CSNK1G2: variants seen among roughly 807,000 people sequenced by gnomAD.
CSNK1G2 encodes the protein casein kinase I isoform gamma-2.
In CSNK1G2, 11 loss-of-function variants were observed where a neutral mutation model predicts 48.0. That is an observed-to-expected ratio of 0.23 (90% CI 0.14 to 0.38). The LOEUF (loss-of-function observed/expected upper bound fraction) is 0.38, where lower values mean the gene tolerates loss of function less well. Among genes scored for constraint, CSNK1G2 ranks in the 10% least tolerant of loss-of-function variants. CSNK1G2 has a pLI of 1.00. For missense variants in CSNK1G2, 446 were observed against 595.5 expected (o/e 0.75, Z 2.61); for synonymous variants, 337 against 254.1 (o/e 1.33, Z -3.10).
intron 1 of CSNK1G2, among the ~76,000 whole-genome samples, chr19:1,941,630 C>T (rs1293436837): frequency 6.7e-6 from 1 of 149,776 alleles, no homozygotes; most frequent in African/African-American, 2.5e-5. Context: ...CCGCAACACC[C>T]CGTTGACCCT....
At chr19:1,944,251 G>A (rs1406377115) in intron 1 of CSNK1G2, among the ~76,000 whole-genome samples, 9 of 152,280 alleles carry the variant, frequency 5.9e-5, no homozygotes, top group Non-Finnish European at 1.2e-4. Flanking sequence ...AGCCACACGA[G>A]AGAACCTGTT....
intron 1 of CSNK1G2, among the ~76,000 whole-genome samples, chr19:1,945,397 G>C (rs1432057315): frequency 6.6e-6 from 1 of 152,214 alleles, no homozygotes; most frequent in Non-Finnish European, 1.5e-5. Context: ...CCCTGCACAG[G>C]GAATCGGGGC....
At chr19:1,975,194 G>C (rs1332659411) in intron 2 of CSNK1G2, 7 of 985,380 alleles carry the variant, frequency 7.1e-6, no homozygotes, top group Non-Finnish European at 8.4e-6. Context: ...GCTGCCAAGA[G>C]CATGAGGCCA....
intron 1 of CSNK1G2, chr19:1,952,968 AG>A: frequency 2.3e-6 from 1 of 434,218 alleles, no homozygotes. Flanking sequence ...CCACACGATG[AG>A]GGGAAAAGGC....
intron 1 of CSNK1G2, among the ~76,000 whole-genome samples, chr19:1,952,213 G>A (rs144966829): frequency 0.013 from 2,006 of 152,360 alleles, 13 homozygotes; most frequent in Middle Eastern, 0.027. Flanking sequence ...TGCAGGGCTG[G>A]ACGAGGGCCC....
intron 1 of CSNK1G2, chr19:1,952,826 G>T: frequency 3.0e-6 from 1 of 334,842 alleles, no homozygotes; most frequent in Non-Finnish European, 6.0e-6. Context: ...GCTCCCCGGG[G>T]AGTTAGGCCG....
rs552417138 is a variant in CSNK1G2 at position 1,952,637 on chromosome 19, C to T, written c.-266+11219C>T. ...ATATTTGACGATGATTAAAAAAACC[C>T]GATCCTTGAAGGCCCTTGATAGATG... On this transcript the variant is annotated intron_variant, in intron 1 of 11. Transcript: ENST00000255641. 95 of 162,908 alleles carry T rather than the reference C, an allele frequency of 5.8e-4. 3 individuals are homozygous for T. The South Asian group carries it at 0.014, about 24-fold the overall frequency. 10.1% of individuals were successfully genotyped at this position (162,908 alleles called of 1,614,324 possible).
In CSNK1G2 at chr19:1,979,264, G is replaced by C; in HGVS notation, c.768+16G>C. 3 of 1,563,854 alleles carry C rather than the reference G, an allele frequency of 1.9e-6. No homozygotes were observed. The highest frequency in any genetic ancestry group is 1.4e-5 in the African/African-American group (1 of 73,916). On this transcript the variant is annotated intron_variant, in intron 7 of 11. Transcript: ENST00000255641. ...GGGGCTCAAGGTGGGCGAGGAGGCC[G>C]GGCAGGCGGGCGGGGACGCAGGGCG...
rs770330378 is a variant in CSNK1G2, at chr19:1,979,113, C to T, written c.682+20C>T. 50 of 1,577,940 alleles carry T rather than the reference C, an allele frequency of 3.2e-5. No individual in the cohort carries two copies. The highest frequency in any genetic ancestry group is 4.2e-5 in the Non-Finnish European group (49 of 1,166,550). ...GCAAGGGTGAGCTGCGCGCGCGCGG[C>T]GGGGGGCGGGCGCCCGGACCCCGCT... On this transcript the variant is annotated intron_variant, in intron 6 of 11. Coordinates refer to ENST00000255641, the MANE Select transcript of CSNK1G2 (RefSeq NM_001319.7).
chr19:1,975,634 G>A, intron 2 of CSNK1G2: 1 of 985,366 alleles, frequency 1.0e-6, no homozygotes, highest in Non-Finnish European at 1.2e-6. Flanking sequence ...CCTCCGAAGG[G>A]CAGCGCAGGA....
chr19:1,944,378 T>C (rs2014477811), intron 1 of CSNK1G2, among the ~76,000 whole-genome samples: 1 of 152,104 alleles, frequency 6.6e-6, no homozygotes, highest in South Asian at 2.1e-4. Flanking sequence ...GGGCCCGTGC[T>C]GTGGGGCTTC....
chr19:1,979,765 G>A lies in CSNK1G2; in HGVS notation c.1016G>A (p.Gly339Asp). The part of the protein sequence containing the change: ...WAGKPLPTPI[G>D]TVHTDLPSQP... Reference sequence around the variant, plus strand: ...CCTCACCCACAGCCGACCCCCATCGGCACCGTCCACACCGACCTGCCCTCC... The same window carrying A: ...CCTCACCCACAGCCGACCCCCATCGACACCGTCCACACCGACCTGCCCTCC... Residue 339 changes from glycine (G) to aspartate (D), a missense_variant, in exon 10 of 12, where the codon GGC (glycine) becomes GAC (aspartate). Coordinates refer to ENST00000255641, the MANE Select transcript of CSNK1G2 (RefSeq NM_001319.7). The A allele has an allele frequency of 6.2e-7, 1 of 1,605,894 alleles. No homozygotes were observed. The highest frequency in any genetic ancestry group is 8.5e-7 in the Non-Finnish European group (1 of 1,179,092).
At position 1,979,653 on chromosome 19, in the gene CSNK1G2, G is replaced by C; in HGVS notation, c.1002+10G>C. 1 of 1,602,364 alleles carries C rather than the reference G, an allele frequency of 6.2e-7. No individual in the cohort carries two copies. Among genetic ancestry groups the C allele is most frequent in the Middle Eastern group, 1.7e-4 (1 of 6,048 alleles). ...GGCCGGGAAGCCCCTGGTAGGTGGG[G>C]GGGTGCCGGTATGTGGGAGCGGGGG... On this transcript the variant is annotated intron_variant, in intron 9 of 11. Coordinates refer to ENST00000255641, the MANE Select transcript of CSNK1G2 (RefSeq NM_001319.7).
intron 1 of CSNK1G2, chr19:1,952,897 G>T: frequency 2.2e-6 from 1 of 447,110 alleles, no homozygotes; most frequent in East Asian, 7.7e-5. Context: ...GCAGGAGCTG[G>T]CAACCGAGGT....
chr19:1,978,684 G>GGACCTGTTC lies in CSNK1G2; in HGVS notation c.389_397dup (p.Phe130_Leu132dup). ...TGGAGCTGCTGGGGCCCAGCCTGGA[G>GGACCTGTTC]GACCTGTTCGACCTGTGCGACCGGA... On this transcript the variant is annotated inframe_insertion, in exon 5 of 12. Transcript: ENST00000255641. This position sits in a 1 kb window ranked among gnomAD's most constrained non-coding sequence, Gnocchi z 7.3. 1.2e-6 allele frequency: 2 copies of GGACCTGTTC among 1,607,452 alleles called. No homozygotes were observed. Among genetic ancestry groups the GGACCTGTTC allele is most frequent in the Non-Finnish European group, 1.7e-6 (2 of 1,177,398 alleles).
At chr19:1,955,611 G>C (rs570874818) in intron 1 of CSNK1G2, among the ~76,000 whole-genome samples, 1 of 152,178 alleles carries the variant, frequency 6.6e-6, no homozygotes, top group Admixed American at 6.5e-5. Context: ...TCAGGCTTAG[G>C]GTGGGTGTGG....
At position 1,978,758 on chromosome 19, in the gene CSNK1G2, G is replaced by T; in HGVS notation, c.447+8G>T. The T allele has an allele frequency of 6.4e-7, 1 of 1,573,486 alleles. No homozygotes were observed. The stretch of plus-strand genomic sequence containing the variant: ...ATGATCGCCATCCAGCTGGTGCGCG[G>T]CGGGCGGGGCGGGGCGGGGCTCGGA... On this transcript the variant is annotated splice_region_variant and intron_variant, in intron 5 of 11. Transcript: ENST00000255641. The surrounding 1 kb of genome is among the most constrained non-coding windows in gnomAD (Gnocchi z 7.3).
At chr19:1,973,987 A>C (rs1389397902) in intron 2 of CSNK1G2, among the ~76,000 whole-genome samples, 1 of 152,016 alleles carries the variant, frequency 6.6e-6, no homozygotes, top group Admixed American at 6.6e-5. Flanking sequence ...TCCCGGGTTC[A>C]AGCAATTCTC....
intron 1 of CSNK1G2, among the ~76,000 whole-genome samples, chr19:1,964,879 C>G (rs1191728231): frequency 6.6e-6 from 1 of 151,640 alleles, no homozygotes; most frequent in Non-Finnish European, 1.5e-5. Flanking sequence ...GAGCCCACGA[C>G]CATGCCCAGC....
Sources: allele counts gnomAD v4.1 joint callset (sites outside exome capture counted in the v4.1 genomes callset), GRCh38; gene constraint gnomAD v4.1.1; non-coding constraint Gnocchi (gnomAD v3.1); transcripts MANE v1.5; gene names NCBI Gene and HGNC (gene_info 2026-07-23, HGNC 2026-07-21).